Variants in LETM1 observed in about 807,000 individuals in gnomAD.
LETM1 encodes mitochondrial proton/calcium exchanger protein.
In LETM1, 50 loss-of-function variants were observed where a neutral mutation model predicts 74.5. That is an observed-to-expected ratio of 0.67 (90% confidence interval 0.53 to 0.85). The LOEUF is 0.85. LETM1 is among the 40% of genes least tolerant of loss of function. The probability of loss-of-function intolerance (pLI) is 0.00; values close to 1 mark genes in which losing one functional copy is unlikely to be tolerated. For synonymous variants in LETM1, 446 were observed against 407.1 expected, an observed-to-expected ratio of 1.10 and a Z score of -1.15; for missense variants, 824 against 967.8, an observed-to-expected ratio of 0.85 and a Z score of 1.97.
chr4:1,852,439 G>T (rs1713100261), intron 1 of LETM1, among the ~76,000 whole-genome samples: 1 of 152,140 alleles, frequency 6.6e-6, no homozygotes, highest in Non-Finnish European at 1.5e-5. Context: ...TCTCATCAAG[G>T]CTTCATGACT....
At chr4:1,839,820 C>T (rs748195923) in intron 3 of LETM1, among the ~76,000 whole-genome samples, 9 of 152,224 alleles carry the variant, frequency 5.9e-5, no homozygotes, top group Non-Finnish European at 1.0e-4. Context: ...AAGCTGAACA[C>T]GGTAGAGGTT....
intron 10 of LETM1, among the ~76,000 whole-genome samples, chr4:1,820,495 T>TG (rs2108837065): frequency 6.6e-6 from 1 of 152,356 alleles, no homozygotes. Flanking sequence ...ACCCCCAAGC[T>TG]GATGCTGAGC....
intron 2 of LETM1, among the ~76,000 whole-genome samples, chr4:1,845,794 G>A (rs948965023): frequency 2.4e-4 from 36 of 149,094 alleles, no homozygotes; most frequent in Non-Finnish European, 4.6e-4. Flanking sequence ...TGATCTGCCC[G>A]CCTCGGATTA....
chr4:1,832,363 C>T (rs1022599913), intron 6 of LETM1, among the ~76,000 whole-genome samples: 7 of 151,732 alleles, frequency 4.6e-5, no homozygotes, highest in Admixed American at 1.3e-4. Context: ...CACAAAAGGG[C>T]GTGAAGCACA....
rs1712983885 is a variant in LETM1 at position 1,849,157 on chromosome 4, C to T, written c.135G>A (p.Arg45=). ...GATACTGATTTACTCACAGGCAGTT[C>T]CTCAACCCCAGGGTGCTGGCACAGC... The part of the protein sequence containing the change: ...HLSCASTLGL[R]NCLNVPFGCC... The change falls in exon 2 of 14, where the codon AGG becomes AGA. Residue 45 remains arginine (R), a synonymous_variant. Transcript: ENST00000302787. 4 of 1,612,008 alleles carry T rather than the reference C, an allele frequency of 2.5e-6. No individual in the cohort carries two copies. Among genetic ancestry groups the T allele is most frequent in the Non-Finnish European group, 3.4e-6 (4 of 1,178,152 alleles).
intron 1 of LETM1, among the ~76,000 whole-genome samples, chr4:1,855,494 C>T (rs917605545): frequency 1.3e-5 from 2 of 152,262 alleles, no homozygotes; most frequent in Non-Finnish European, 2.9e-5. Context: ...CCCACCCAGT[C>T]TCGTCTCCGG....
In LETM1 at chr4:1,836,348, C is replaced by A; in HGVS notation, c.738+81G>T. ...CATAAAGTCTCAAAAATATCTAGCACCTGAAAAGTCACAAACAAGGAAGCC... is the reference window on the plus strand; with the variant it reads ...CATAAAGTCTCAAAAATATCTAGCAACTGAAAAGTCACAAACAAGGAAGCC... On this transcript the variant is annotated intron_variant, in intron 4 of 13. Transcript: ENST00000302787. This position sits in a 1 kb window ranked among gnomAD's most constrained non-coding sequence, Gnocchi z 5.8. 1 of 1,408,588 alleles carries A rather than the reference C, an allele frequency of 7.1e-7. No individual in the cohort carries two copies. Among genetic ancestry groups the A allele is most frequent in the Non-Finnish European group, 1.0e-6 (1 of 1,000,218 alleles). 87.3% of individuals were successfully genotyped at this position (1,408,588 alleles called of 1,614,324 possible).
rs898262209 is a variant in LETM1 at position 1,816,617 on chromosome 4, G to C, written c.1931+110C>G. ...AAAGGTGGAGAGGCAGCCAGGCAGA[G>C]GCTACAATGTGCCCTTTGGAGCCAG... On this transcript the variant is annotated intron_variant, in intron 12 of 13. Coordinates refer to ENST00000302787, the MANE Select transcript of LETM1 (RefSeq NM_012318.3). 36 of 1,047,710 alleles carry C rather than the reference G, an allele frequency of 3.4e-5. 1 individual carries two copies. The South Asian group carries it at 5.4e-4, about 16-fold the overall frequency. 64.9% of individuals were successfully genotyped at this position (1,047,710 alleles called of 1,614,324 possible). A position where few individuals can be genotyped will look rare whatever the true frequency, so the allele number is the denominator to read the frequency against.
chr4:1,827,916 G>C (rs1712060196), intron 6 of LETM1, among the ~76,000 whole-genome samples: 1 of 149,382 alleles, frequency 6.7e-6, no homozygotes, highest in Non-Finnish European at 1.5e-5. Context: ...GGCTGGGCGG[G>C]GGGCTGACCC....
intron 10 of LETM1, among the ~76,000 whole-genome samples, chr4:1,819,804 G>A (rs1225235143): frequency 6.6e-6 from 1 of 152,174 alleles, no homozygotes; most frequent in Non-Finnish European, 1.5e-5. Flanking sequence ...CGACCCCCAG[G>A]CAACCTCAGG....
In LETM1 at chr4:1,814,309, T is replaced by C; in HGVS notation, c.*115A>G. On this transcript the variant is annotated 3_prime_UTR_variant, in exon 14 of 14. Coordinates refer to ENST00000302787, the MANE Select transcript of LETM1 (RefSeq NM_012318.3). ...TTTACTTGATTATGGAAGTCTCTGA[T>C]TTATTCCAGCCAAAATATTAGATGA... 1 of 1,500,650 alleles carries C rather than the reference T, an allele frequency of 6.7e-7. No individual in the cohort carries two copies. The highest frequency in any genetic ancestry group is 2.3e-5 in the East Asian group (1 of 44,058). The allele number at this position is 1,500,650 out of a possible 1,614,324, so 93.0% of individuals were successfully genotyped here. A position where few individuals can be genotyped will look rare whatever the true frequency, so the allele number is the denominator to read the frequency against.
intron 6 of LETM1, among the ~76,000 whole-genome samples, chr4:1,828,377 C>A (rs1712097819): frequency 9.2e-6 from 1 of 109,272 alleles, no homozygotes; most frequent in Admixed American, 8.5e-5. Context: ...GGGCGGGGGG[C>A]TGACACCCCC....
At chr4:1,842,379 A>G (rs1577324442) in intron 2 of LETM1, among the ~76,000 whole-genome samples, 3 of 151,878 alleles carry the variant, frequency 2.0e-5, no homozygotes, top group Non-Finnish European at 4.4e-5. Flanking sequence ...CTCCTCCTCT[A>G]CCCACCTGCC....
At position 1,855,900 on chromosome 4, in the gene LETM1, G is replaced by C; in HGVS notation, c.51C>G (p.Leu17=). The C allele has an allele frequency of 8.1e-7, 1 of 1,240,266 alleles. No individual in the cohort carries two copies. The highest frequency in any genetic ancestry group is 4.2e-5 in the Admixed American group (1 of 23,628). 76.8% of individuals were successfully genotyped at this position (1,240,266 alleles called of 1,614,324 possible). ...GGACGGTGTACCGAGGCGGCGGCGG[G>C]AGGCGGGCGGGCGCCCGGCCGCGGC... ...RSCRGRAPAR[L]PPPPRYTVPR... The change falls in exon 1 of 14, where the codon CTC becomes CTG. Residue 17 remains leucine, a synonymous_variant. Transcript: ENST00000302787.
chr4:1,816,014 C>A (rs542465303), intron 12 of LETM1, among the ~76,000 whole-genome samples: 2 of 152,392 alleles, frequency 1.3e-5, no homozygotes, highest in South Asian at 4.1e-4. Context: ...ACAGAAACAC[C>A]ACCAGGTCCA....
chr4:1,822,933 T>C lies in LETM1; in HGVS notation c.1476+55A>G. ...AAGACTGTGGGCGTGCGGGGGTTTC[T>C]AGGGAGGCTGGCTCAGGACAGCCCC... On this transcript the variant is annotated intron_variant, in intron 9 of 13. Coordinates refer to ENST00000302787, the MANE Select transcript of LETM1 (RefSeq NM_012318.3). 3 of 1,329,422 alleles carry C rather than the reference T, an allele frequency of 2.3e-6. 1 individual carries two copies. In the South Asian group the frequency reaches 7.0e-5, roughly 31 times the overall value. The allele number at this position is 1,329,422 out of a possible 1,614,324, so 82.4% of individuals were successfully genotyped here.
intron 3 of LETM1, among the ~76,000 whole-genome samples, chr4:1,840,730 G>A (rs1220559083): frequency 6.6e-6 from 1 of 151,766 alleles, no homozygotes; most frequent in African/African-American, 2.4e-5. Context: ...CGAAGCGGGG[G>A]TGGTGGGAAC....
chr4:1,828,792 C>A (rs1179131983), intron 6 of LETM1, among the ~76,000 whole-genome samples: 3 of 141,856 alleles, frequency 2.1e-5, no homozygotes, highest in African/African-American at 8.0e-5. Flanking sequence ...CCGGACGGGG[C>A]GGCTGGCCGG....
intron 2 of LETM1, among the ~76,000 whole-genome samples, chr4:1,842,169 G>T (rs1235740959): frequency 1.3e-5 from 2 of 152,160 alleles, no homozygotes; most frequent in African/African-American, 2.4e-5. Flanking sequence ...CTTCGTGGGG[G>T]AATGGAGTGC....
Sources: gnomAD v4.1 joint callset for allele counts (sites outside exome capture counted in the v4.1 genomes callset) on GRCh38, gnomAD v4.1.1 for gene constraint, Gnocchi (gnomAD v3.1) non-coding constraint, MANE v1.5 for transcripts, NCBI Gene and HGNC (gene_info 2026-07-23, HGNC 2026-07-21) for gene names.